The following TPD52L2 variants were observed in gnomAD, a reference collection of about 807,000 sequenced individuals.
TPD52L2 encodes the protein tumor protein D54.
In TPD52L2, 19 loss-of-function variants were observed where a neutral mutation model predicts 24.7. The observed-to-expected ratio is 0.77, with a 90% CI of 0.54 to 1.13. The LOEUF (loss-of-function observed/expected upper bound fraction) is 1.13, where lower values mean the gene tolerates loss of function less well. Ranked by LOEUF, TPD52L2 falls within the 50% of genes most tolerant of loss-of-function variation. TPD52L2 has a pLI of 0.00. For missense variants in TPD52L2, 236 were observed against 250.4 expected (o/e 0.94, Z 0.39); for synonymous variants, 104 against 100.2 (o/e 1.04, Z -0.23).
chr20:63,876,090 C>T (rs568629668), intron 4 of TPD52L2, among the ~76,000 whole-genome samples: 1 of 152,326 alleles, frequency 6.6e-6, no homozygotes, highest in African/African-American at 2.4e-5. Context: ...AGCCACCTGA[C>T]CACACTTAAA....
At chr20:63,882,850 G>A in intron 5 of TPD52L2, 30 bp downstream of exon 5, 1 of 1,569,442 alleles carries the variant, frequency 6.4e-7, no homozygotes, top group Non-Finnish European at 8.7e-7. Context: ...CTGCTGCCCT[G>A]AGACCTGGCC....
intron 4 of TPD52L2, among the ~76,000 whole-genome samples, chr20:63,878,618 C>G (rs1035095515): frequency 5.3e-5 from 8 of 152,190 alleles, no homozygotes; most frequent in African/African-American, 1.9e-4. Context: ...GTGGTGTGCT[C>G]TGGCCAGGCC....
Position 63,873,701 on chromosome 20 carries a change from C to A in TPD52L2, c.199C>A (p.Leu67Met). 1.2e-6 allele frequency: 2 copies of A among 1,609,328 alleles called. No homozygotes were observed. Among genetic ancestry groups the A allele is most frequent in the East Asian group, 4.5e-5 (2 of 44,716 alleles). The change falls in exon 3 of 7, where the codon CTG becomes ATG. Residue 67 changes from leucine to methionine, a missense_variant. Coordinates refer to ENST00000346249, the MANE Select transcript of TPD52L2 (RefSeq NM_003288.4). ...EEEIVTLRQV[L>M]AAKERHCGEL... is the part of the protein sequence containing the mutation. ...GGAAATTGTCACTCTGCGCCAGGTC[C>A]TGGCAGCCAAGGAGAGGCACTGTGG...
chr20:63,865,284 G>C lies in TPD52L2; in HGVS notation c.-82G>C, dbSNP rs1480405957. ...GGAGCTGAGGCAGTTCCGCTGGCTA[G>C]TGTGTACGCGGCGAGCTTCTCCCGG... On this transcript the variant is annotated 5_prime_UTR_variant, in exon 1 of 7. Coordinates refer to ENST00000346249, the MANE Select transcript of TPD52L2 (RefSeq NM_003288.4). 19 of 1,450,618 alleles carry C rather than the reference G, an allele frequency of 1.3e-5. No individual in the cohort carries two copies. Among genetic ancestry groups the C allele is most frequent in the Non-Finnish European group, 1.5e-5 (17 of 1,098,030 alleles). The allele number at this position is 1,450,618 out of a possible 1,614,324, so 89.9% of individuals were successfully genotyped here.
Position 63,881,146 on chromosome 20 carries a change from G to C in TPD52L2, c.375-1573G>C, listed in dbSNP as rs182383828. Among the ~76,000 whole-genome samples the C allele has an allele frequency of 2.6e-5, 4 of 152,214 alleles. No individual in the cohort carries two copies. In the East Asian group the frequency reaches 7.7e-4, roughly 29 times the overall value. ...GGAGGCCGAGGCGGGTGGATCACCT[G>C]AGGTCAGGAGTTCAAGACCAGCCTG... is the stretch of plus-strand genomic sequence containing the variant. On this transcript the variant is annotated intron_variant, in intron 4 of 6. Transcript: ENST00000346249.
rs2052730473 is a variant in TPD52L2 at position 63,877,453 on chromosome 20, C to T, written c.374+1578C>T. 1.3e-5 allele frequency among the ~76,000 whole-genome samples: 2 copies of T among 152,164 alleles called. No individual in the cohort carries two copies. Among genetic ancestry groups the T allele is most frequent in the Admixed American group, 1.3e-4 (2 of 15,272 alleles). On this transcript the variant is annotated intron_variant, in intron 4 of 6. Coordinates refer to ENST00000346249, the MANE Select transcript of TPD52L2 (RefSeq NM_003288.4). This position sits in a 1 kb window ranked among gnomAD's most constrained non-coding sequence, Gnocchi z 4.1. ...GGATGACAGGCGTGACCCACTGCAC[C>T]CGGCTTGAGCAGGGTGTTCTAGGGA...
At chr20:63,867,246 G>GC (rs1242726507) in intron 1 of TPD52L2, among the ~76,000 whole-genome samples, 1 of 152,160 alleles carries the variant, frequency 6.6e-6, no homozygotes, top group Non-Finnish European at 1.5e-5. Context: ...GAGCCATTGT[G>GC]CCCAGCCTCA....
In TPD52L2 at chr20:63,869,344, C is replaced by T. The variant is rs1009085798; in HGVS notation, c.68C>T (p.Thr23Met). 10 of 1,614,040 alleles carry T rather than the reference C, an allele frequency of 6.2e-6. No homozygotes were observed. The highest frequency in any genetic ancestry group is 5.3e-5 in the African/African-American group (4 of 74,912). Residue 23 changes from threonine (T) to methionine (M), a missense_variant, in exon 2 of 7, where the codon ACG (threonine) becomes ATG (methionine). Coordinates refer to ENST00000346249, the MANE Select transcript of TPD52L2 (RefSeq NM_003288.4). ...PNKGLLSDSM[T>M]DVPVDTGVAA... ...AAAGGTCTGCTGTCTGACTCCATGA[C>T]GGATGTTCCTGTCGACACAGGTGTG...
At chr20:63,865,868 C>T (rs1319914506) in intron 1 of TPD52L2, among the ~76,000 whole-genome samples, 1 of 152,198 alleles carries the variant, frequency 6.6e-6, no homozygotes, top group Non-Finnish European at 1.5e-5. Context: ...CCTTGGGCAG[C>T]AACTCTGCTC....
At chr20:63,886,300 G>A (rs544016043) in intron 5 of TPD52L2, among the ~76,000 whole-genome samples, 126 of 151,662 alleles carry the variant, frequency 8.3e-4, no homozygotes, top group African/African-American at 2.4e-3. Context: ...CTCACAGACC[G>A]CCTGCTGCCG....
At chr20:63,882,679 G>T (rs763709444) in intron 4 of TPD52L2, 40 bp from the exon 5 acceptor site, 3 of 1,526,216 alleles carry the variant, frequency 2.0e-6, no homozygotes, top group South Asian at 1.1e-5. Context: ...GTGGTGACCC[G>T]CCCATGCTGT....
chr20:63,877,719 C>T lies in TPD52L2; in HGVS notation c.374+1844C>T, dbSNP rs186397012. ...TTAGAGAGCTTATTACAACACTCAG[C>T]GTCCCGACCCCTCTGGAGAAACCTG... is the stretch of plus-strand genomic sequence containing the variant. On this transcript the variant is annotated intron_variant, in intron 4 of 6. Coordinates refer to ENST00000346249, the MANE Select transcript of TPD52L2 (RefSeq NM_003288.4). The surrounding 1 kb of genome is among the most constrained non-coding windows in gnomAD (Gnocchi z 4.1). Among the ~76,000 whole-genome samples, 40 of 152,398 alleles carry T rather than the reference C, an allele frequency of 2.6e-4. No individual in the cohort carries two copies. Among genetic ancestry groups the T allele is most frequent in the African/African-American group, 8.4e-4 (35 of 41,606 alleles).
intron 5 of TPD52L2, among the ~76,000 whole-genome samples, chr20:63,884,772 G>A (rs1008615128): frequency 6.7e-6 from 1 of 150,278 alleles, no homozygotes. Flanking sequence ...GTGTTTGCAC[G>A]TGTGCCCTGG....
intron 2 of TPD52L2, 82 bp from the exon 3 acceptor site, chr20:63,873,586 G>A: frequency 1.4e-6 from 2 of 1,475,630 alleles, no homozygotes; most frequent in Non-Finnish European, 1.8e-6. Context: ...AAGTTCTTGT[G>A]TAACTCATGG....
intron 3 of TPD52L2, among the ~76,000 whole-genome samples, chr20:63,874,213 G>A (rs945978296): frequency 2.8e-5 from 4 of 145,222 alleles, no homozygotes; most frequent in African/African-American, 5.2e-5. Context: ...CACCGCGCCC[G>A]GCTGATTTTT....
chr20:63,887,174 C>T (rs138000877), intron 5 of TPD52L2: 80 of 340,312 alleles, frequency 2.4e-4, no homozygotes, highest in Non-Finnish European at 3.7e-4. Flanking sequence ...AGGTCTAGAG[C>T]CAGGCCCAGA....
intron 3 of TPD52L2, among the ~76,000 whole-genome samples, chr20:63,875,179 A>G (rs1290044049): frequency 2.0e-5 from 3 of 150,258 alleles, no homozygotes; most frequent in Admixed American, 1.3e-4. Context: ...ATTTATATAT[A>G]GGACCATATG....
intron 5 of TPD52L2, among the ~76,000 whole-genome samples, chr20:63,885,418 C>G (rs562535659): frequency 9.2e-5 from 14 of 152,344 alleles, no homozygotes; most frequent in Admixed American, 3.3e-4. Flanking sequence ...CAGAGTGGGC[C>G]TGGCTGCAGT....
intron 5 of TPD52L2, among the ~76,000 whole-genome samples, chr20:63,886,489 G>A (rs2053115161): frequency 6.6e-6 from 1 of 151,794 alleles, no homozygotes; most frequent in African/African-American, 2.4e-5. Flanking sequence ...GCCTCTCCGA[G>A]TAGCTGGGAC....
Sources: allele counts gnomAD v4.1 joint callset (sites outside exome capture counted in the v4.1 genomes callset), GRCh38; gene constraint gnomAD v4.1.1; non-coding constraint Gnocchi (gnomAD v3.1); transcripts MANE v1.5; gene names NCBI Gene and HGNC (gene_info 2026-07-23, HGNC 2026-07-21).